RCL1: variants seen among roughly 807,000 people sequenced by gnomAD.
The protein encoded by RCL1 is RNA terminal phosphate cyclase like 1, also known as RNA 3'-terminal phosphate cyclase-like protein.
Under a neutral mutation model 42.4 loss-of-function variants are expected in RCL1, and 24 were observed. The observed-to-expected ratio is 0.57, with a 90% CI of 0.41 to 0.80. The LOEUF (loss-of-function observed/expected upper bound fraction) is 0.80. Ranked by LOEUF, RCL1 falls within the 30% of genes least tolerant of loss-of-function variation. RCL1 has a pLI of 0.00. For synonymous variants in RCL1, 228 were observed against 177.3 expected, an observed-to-expected ratio of 1.29 and a Z score of -2.27; for missense variants, 578 against 467.9, an observed-to-expected ratio of 1.24 and a Z score of -2.17.
chr9:4,845,911 TC>T (rs1345153312), intron 7 of RCL1, among the ~76,000 whole-genome samples: 2 of 152,250 alleles, frequency 1.3e-5, no homozygotes, highest in Admixed American at 1.3e-4. Context: ...CTTTCTGGTC[TC>T]CAAGTAAGTT....
At chr9:4,850,493 CT>C (rs35181848) in intron 8 of RCL1, 2,563 of 136,526 alleles carry the variant, frequency 0.019, 1 homozygote, top group South Asian at 0.069. Flanking sequence ...TTTTTTTTTT[CT>C]TTTTTTTTTT....
At chr9:4,824,909 A>T (rs561561239) in intron 2 of RCL1, among the ~76,000 whole-genome samples, 2 of 152,112 alleles carry the variant, frequency 1.3e-5, no homozygotes, top group South Asian at 2.1e-4. Context: ...GGATAATTCT[A>T]TTCTTTTTTT....
At chr9:4,804,300 G>C (rs781434981) in intron 1 of RCL1, 8 of 152,652 alleles carry the variant, frequency 5.2e-5, no homozygotes, top group Non-Finnish European at 1.2e-4. Flanking sequence ...GGGCATTGCT[G>C]AAAGCGGGGC....
chr9:4,793,319 G>C lies in RCL1; in HGVS notation c.136+92G>C, dbSNP rs879268577. 2.0e-5 allele frequency: 28 copies of C among 1,375,148 alleles called. No individual in the cohort carries two copies. In the Admixed American group the frequency reaches 4.9e-4, roughly 24 times the overall value. 85.2% of individuals were successfully genotyped at this position (1,375,148 alleles called of 1,614,324 possible). A position where few individuals can be genotyped will look rare whatever the true frequency, so the allele number is the denominator to read the frequency against. ...GGGGCCCGCGCGGTGTTGGTTGGGC[G>C]GCTCGGCGTCCGGCGAGCGCGTCGG... On this transcript the variant is annotated intron_variant, in intron 1 of 8. Coordinates refer to ENST00000381750, the MANE Select transcript of RCL1 (RefSeq NM_005772.5).
chr9:4,854,231 C>G (rs1817855644), intron 8 of RCL1, among the ~76,000 whole-genome samples: 1 of 152,126 alleles, frequency 6.6e-6, no homozygotes, highest in African/African-American at 2.4e-5. Flanking sequence ...TGCAGCTAGC[C>G]TAGTTCTCTG....
intron 1 of RCL1, among the ~76,000 whole-genome samples, chr9:4,815,312 C>A (rs1037428588): frequency 2.6e-5 from 4 of 152,032 alleles, no homozygotes; most frequent in African/African-American, 9.7e-5. Context: ...ATTCTCATTT[C>A]TTATTTCTTT....
chr9:4,844,504 T>C, intron 6 of RCL1, 21 bp from the exon 7 acceptor site: 2 of 1,597,172 alleles, frequency 1.3e-6, no homozygotes, highest in Non-Finnish European at 8.5e-7. Context: ...CTACTCAGTG[T>C]TTGTGCCTTT....
chr9:4,835,213 G>A (rs1817081746), intron 5 of RCL1, among the ~76,000 whole-genome samples: 1 of 152,208 alleles, frequency 6.6e-6, no homozygotes, highest in Non-Finnish European at 1.5e-5. Context: ...CAGATACTAT[G>A]CAGAACGCAA....
At chr9:4,842,507 C>T (rs897649459) in intron 6 of RCL1, among the ~76,000 whole-genome samples, 11 of 152,190 alleles carry the variant, frequency 7.2e-5, no homozygotes, top group African/African-American at 2.4e-4. Flanking sequence ...GTGGGCAAAG[C>T]TGGACTTTCT....
intron 1 of RCL1, among the ~76,000 whole-genome samples, chr9:4,800,634 G>C (rs1341633292): frequency 1.3e-5 from 2 of 148,482 alleles, no homozygotes; most frequent in Non-Finnish European, 1.5e-5. Context: ...TTGCTGCCCT[G>C]TTTTCCAGTG....
At chr9:4,794,615 C>G (rs1193519115) in intron 1 of RCL1, among the ~76,000 whole-genome samples, 1 of 150,816 alleles carries the variant, frequency 6.6e-6, no homozygotes, top group East Asian at 2.0e-4. Context: ...AGATGGACTT[C>G]TACTTTGTAT....
chr9:4,822,500 C>T (rs141004638), intron 1 of RCL1, among the ~76,000 whole-genome samples: 39 of 152,200 alleles, frequency 2.6e-4, no homozygotes, highest in Admixed American at 1.2e-3. Flanking sequence ...TTTTCCTCTC[C>T]CCCTCTCTTT....
chr9:4,841,341 G>A lies in RCL1; in HGVS notation c.694G>A (p.Gly232Arg). ...CTATATTTACACAGATCACATGAAA[G>A]GAGTCAACTCTGGGAAGTAAGTATC... ...DIYIYTDHMKGVNSGKSPGFG... is the reference protein window; with the variant it reads ...DIYIYTDHMKRVNSGKSPGFG... Residue 232 changes from glycine to arginine, a missense_variant, in exon 6 of 9, where the codon GGA becomes AGA. Physicochemically the swap from Gly to Arg is moderately radical, Grantham distance 125. Transcript: ENST00000381750. 1 of 1,612,704 alleles carries A rather than the reference G, an allele frequency of 6.2e-7. No homozygotes were observed. Among genetic ancestry groups the A allele is most frequent in the Non-Finnish European group, 8.5e-7 (1 of 1,178,808 alleles).
intron 1 of RCL1, among the ~76,000 whole-genome samples, chr9:4,794,759 G>A (rs1279964329): frequency 6.6e-6 from 1 of 151,418 alleles, no homozygotes; most frequent in Admixed American, 6.6e-5. Flanking sequence ...AATATTTAAT[G>A]TTCCAAAGTA....
intron 6 of RCL1, 140 bp from the exon 7 acceptor site, chr9:4,844,385 C>CT: frequency 1.7e-6 from 1 of 603,366 alleles, no homozygotes; most frequent in Non-Finnish European, 2.9e-6. Context: ...AGTAGCAACT[C>CT]TATGAGGTTA....
At chr9:4,845,543 C>T (rs979639269) in intron 7 of RCL1, among the ~76,000 whole-genome samples, 1 of 152,212 alleles carries the variant, frequency 6.6e-6, no homozygotes, top group Non-Finnish European at 1.5e-5. Context: ...GAATAAGATA[C>T]AGTTTCCTAA....
rs771103372 is a variant in RCL1, at chr9:4,860,105, T to C, written c.972-20T>C. ...GAATGAATTTCTTTTTATTTATTTA[T>C]TTATTTTTTTCCTTTTTAGGATAGA... is the stretch of plus-strand genomic sequence containing the variant. On this transcript the variant is annotated intron_variant, in intron 8 of 8. Coordinates refer to ENST00000381750, the MANE Select transcript of RCL1 (RefSeq NM_005772.5). 1 of 1,478,878 alleles carries C rather than the reference T, an allele frequency of 6.8e-7. No individual in the cohort carries two copies. Among genetic ancestry groups the C allele is most frequent in the South Asian group, 1.3e-5 (1 of 75,178 alleles). 91.6% of individuals were successfully genotyped at this position (1,478,878 alleles called of 1,614,324 possible). A position where few individuals can be genotyped will look rare whatever the true frequency, so the allele number is the denominator to read the frequency against.
chr9:4,798,549 G>A (rs1842949143), intron 1 of RCL1, among the ~76,000 whole-genome samples: 1 of 152,186 alleles, frequency 6.6e-6, no homozygotes, highest in South Asian at 2.1e-4. Flanking sequence ...TAATCAAAAG[G>A]GTCCTTTAAA....
intron 1 of RCL1, among the ~76,000 whole-genome samples, chr9:4,814,490 A>G (rs980843929): frequency 1.3e-5 from 2 of 151,460 alleles, no homozygotes; most frequent in South Asian, 2.1e-4. Context: ...CTGGTCGCCA[A>G]CTCCTGGGCA....
Sources: allele counts gnomAD v4.1 joint callset (sites outside exome capture counted in the v4.1 genomes callset), GRCh38; gene constraint gnomAD v4.1.1; transcripts MANE v1.5; gene names NCBI Gene and HGNC (gene_info 2026-07-23, HGNC 2026-07-21).